MYO16: variants seen among roughly 807,000 people sequenced by gnomAD.
MYO16 encodes the protein unconventional myosin-XVI.
MYO16 carries 94 observed loss-of-function variants against 205.3 expected under a neutral mutation model. The observed-to-expected ratio is 0.46, with a 90% CI of 0.39 to 0.54. The LOEUF (loss-of-function observed/expected upper bound fraction) is 0.54. MYO16 is among the 20% of genes least tolerant of loss of function. MYO16 has a pLI of 0.00. For synonymous variants in MYO16, 988 were observed against 954.0 expected (o/e 1.04, Z -0.66); for missense variants, 2,315 against 2,387.5 (o/e 0.97, Z 0.63).
rs1475144057 is a variant in MYO16, at chr13:109,142,021, A to G, written c.5164+645A>G. On this transcript the variant is annotated intron_variant, in intron 32 of 34. Coordinates refer to ENST00000457511, the MANE Select transcript of MYO16 (RefSeq NM_001198950.3). ...GGGGTTTGCAGGTGGAAATCAGTCCACTCAAGTGAGCTCCATGACAGGCTG... is the reference window on the plus strand; with the variant it reads ...GGGGTTTGCAGGTGGAAATCAGTCCGCTCAAGTGAGCTCCATGACAGGCTG... Among the ~76,000 whole-genome samples, 3 of 152,194 alleles carry G rather than the reference A, an allele frequency of 2.0e-5. No homozygotes were observed. The East Asian group carries it at 5.8e-4, about 29-fold the overall frequency.
intron 32 of MYO16, among the ~76,000 whole-genome samples, chr13:109,148,154 C>A (rs930640910): frequency 4.6e-4 from 70 of 152,196 alleles, no homozygotes; most frequent in African/African-American, 1.7e-3. Flanking sequence ...ATCTACACTT[C>A]GAAATGAACT....
chr13:108,518,985 T>G, the MYO16 span, among the ~76,000 whole-genome samples: 151,568 of 152,300 alleles, frequency 1, 75,427 homozygotes, highest in East Asian at 1. Context: ...TAATGTGATC[T>G]CAGATTAACA....
chr13:108,949,073 G>A (rs1883044970), intron 16 of MYO16, among the ~76,000 whole-genome samples: 1 of 152,166 alleles, frequency 6.6e-6, no homozygotes, highest in African/African-American at 2.4e-5. Context: ...AATTTAACTT[G>A]TAATGAAAAC....
chr13:109,083,310 G>A (rs1888336705), intron 27 of MYO16, among the ~76,000 whole-genome samples: 1 of 138,224 alleles, frequency 7.2e-6, no homozygotes, highest in South Asian at 2.4e-4. Context: ...TTGAACCTGG[G>A]AGGCAGAGTT....
intron 1 of MYO16, among the ~76,000 whole-genome samples, chr13:108,630,463 C>G (rs551391046): frequency 6.6e-6 from 1 of 152,300 alleles, no homozygotes; most frequent in Non-Finnish European, 1.5e-5. Flanking sequence ...ACCAGGTTCT[C>G]TTTTGGGCTT....
chr13:109,097,313 G>A (rs1052395726), intron 27 of MYO16, among the ~76,000 whole-genome samples: 5 of 152,116 alleles, frequency 3.3e-5, no homozygotes, highest in Admixed American at 1.3e-4. Context: ...TGGGCAACAA[G>A]AGTGAAACTC....
chr13:108,789,096 T>G (rs1886541792), intron 5 of MYO16, among the ~76,000 whole-genome samples: 1 of 152,206 alleles, frequency 6.6e-6, no homozygotes, highest in Non-Finnish European at 1.5e-5. Flanking sequence ...GCATACGCAG[T>G]TTTATTAAGT....
At chr13:108,914,735 C>G (rs1250117970) in intron 16 of MYO16, among the ~76,000 whole-genome samples, 3 of 152,170 alleles carry the variant, frequency 2.0e-5, no homozygotes, top group Non-Finnish European at 4.4e-5. Context: ...CTCTGCCTCC[C>G]TGGCTCAAGC....
chr13:108,962,334 T>TA, intron 18 of MYO16, 90 bp from the exon 19 acceptor site: 1 of 1,009,452 alleles, frequency 9.9e-7, no homozygotes, highest in South Asian at 1.4e-5. Flanking sequence ...TGTGCCTATA[T>TA]AAAACTTATC....
chr13:108,945,933 G>GT (rs1882922246), intron 16 of MYO16, among the ~76,000 whole-genome samples: 1 of 152,132 alleles, frequency 6.6e-6, no homozygotes, highest in African/African-American at 2.4e-5. Flanking sequence ...TGTCAGAAAG[G>GT]TGTTTAGCAT....
At chr13:108,792,923 G>A (rs1886660533) in intron 5 of MYO16, among the ~76,000 whole-genome samples, 1 of 151,878 alleles carries the variant, frequency 6.6e-6, no homozygotes, top group South Asian at 2.1e-4. Context: ...TTCCATTTAA[G>A]TACTTTAAAA....
chr13:108,867,898 G>C (rs766441303), intron 12 of MYO16, among the ~76,000 whole-genome samples: 2 of 152,258 alleles, frequency 1.3e-5, no homozygotes, highest in East Asian at 3.9e-4. Flanking sequence ...CTTTATATGG[G>C]TGAAATCTTG....
chr13:109,081,661 T>A (rs1888284409), intron 27 of MYO16, among the ~76,000 whole-genome samples: 1 of 152,054 alleles, frequency 6.6e-6, no homozygotes, highest in Non-Finnish European at 1.5e-5. Flanking sequence ...TAAGGGTAGT[T>A]GAGTTTAATA....
At chr13:108,738,414 G>C (rs1043253485) in intron 4 of MYO16, among the ~76,000 whole-genome samples, 3 of 67,668 alleles carry the variant, frequency 4.4e-5, no homozygotes, top group African/African-American at 1.1e-4. Flanking sequence ...TTCAGGAGCA[G>C]GTTGTGTTCA....
At chr13:108,977,585 A>G (rs930750206) in intron 20 of MYO16, among the ~76,000 whole-genome samples, 21 of 152,048 alleles carry the variant, frequency 1.4e-4, no homozygotes, top group African/African-American at 4.8e-4. Flanking sequence ...GTCATCTTAT[A>G]TTTTTTTAAA....
At chr13:109,027,509 A>G (rs1886403143) in intron 23 of MYO16, among the ~76,000 whole-genome samples, 1 of 151,974 alleles carries the variant, frequency 6.6e-6, no homozygotes, top group Non-Finnish European at 1.5e-5. Context: ...TATTGTCTGT[A>G]CTCATAGAAT....
the MYO16 span, among the ~76,000 whole-genome samples, chr13:108,567,426 A>G: frequency 6.6e-6 from 1 of 152,216 alleles, no homozygotes; most frequent in Non-Finnish European, 1.5e-5. Context: ...AGATTTAATT[A>G]TACCCGAATT....
At chr13:109,116,505 A>G (rs1875695964) in intron 28 of MYO16, among the ~76,000 whole-genome samples, 2 of 151,804 alleles carry the variant, frequency 1.3e-5, no homozygotes, top group African/African-American at 4.8e-5. Context: ...CCACCTCCAA[A>G]CCTGGCCTGA....
At position 109,149,196 on chromosome 13, in the gene MYO16, C is replaced by T. The variant is rs139156995; in HGVS notation, c.5164+7820C>T. The stretch of plus-strand genomic sequence containing the variant: ...AGAAAATGAACAAAAACCATAGCAG[C>T]GCTTCTAGGTGCATACGTATAATGG... On this transcript the variant is annotated intron_variant, in intron 32 of 34. Transcript: ENST00000457511. Among the ~76,000 whole-genome samples the T allele has an allele frequency of 1.0e-3, 153 of 152,250 alleles. 1 individual carries two copies. Among genetic ancestry groups the T allele is most frequent in the African/African-American group, 3.6e-3 (149 of 41,546 alleles).
Sources: allele counts gnomAD v4.1 joint callset (sites outside exome capture counted in the v4.1 genomes callset), GRCh38; gene constraint gnomAD v4.1.1; transcripts MANE v1.5; gene names NCBI Gene and HGNC (gene_info 2026-07-23, HGNC 2026-07-21).